Variants in COLEC12 observed in about 807,000 individuals in gnomAD.
COLEC12 encodes collectin subfamily member 12.
In COLEC12, 33 loss-of-function variants were observed where a neutral mutation model predicts 71.1. That is an observed-to-expected ratio of 0.46 (90% CI 0.35 to 0.62). The LOEUF (loss-of-function observed/expected upper bound fraction) is 0.62. COLEC12 is among the 20% of genes least tolerant of loss of function. The pLI, the probability that COLEC12 is intolerant of heterozygous loss-of-function variation, is 0.00. For synonymous variants in COLEC12, 350 were observed against 353.0 expected (o/e 0.99, Z 0.10); for missense variants, 765 against 916.1 (o/e 0.84, Z 2.13).
At chr18:491,276 G>A (rs1917614604) in intron 1 of COLEC12, among the ~76,000 whole-genome samples, 1 of 152,200 alleles carries the variant, frequency 6.6e-6, no homozygotes, top group African/African-American at 2.4e-5. Flanking sequence ...TATTTGGAAT[G>A]TCCCCTTGAT....
At chr18:380,097 A>G (rs559469350) in intron 2 of COLEC12, among the ~76,000 whole-genome samples, 4 of 152,318 alleles carry the variant, frequency 2.6e-5, no homozygotes, top group Non-Finnish European at 4.4e-5. Flanking sequence ...TCTTTTCAAC[A>G]GCCTGAAATT....
intron 2 of COLEC12, among the ~76,000 whole-genome samples, chr18:440,124 A>G (rs1266145633): frequency 6.6e-6 from 1 of 152,080 alleles, no homozygotes; most frequent in Non-Finnish European, 1.5e-5. Context: ...CGAATATTGT[A>G]TGGTATCACC....
chr18:348,886 A>C (rs993977881), intron 3 of COLEC12, among the ~76,000 whole-genome samples: 28 of 152,234 alleles, frequency 1.8e-4, no homozygotes, highest in African/African-American at 6.5e-4. Context: ...CTGTGTCCCC[A>C]CCCAAATCTC....
At chr18:326,660 GC>G (rs1026295516) in intron 8 of COLEC12, among the ~76,000 whole-genome samples, 11 of 151,742 alleles carry the variant, frequency 7.2e-5, no homozygotes, top group African/African-American at 1.2e-4. Context: ...GATAGTTTTG[GC>G]TTTTTTTTAA....
intron 2 of COLEC12, among the ~76,000 whole-genome samples, chr18:417,293 C>T (rs1916006354): frequency 6.6e-6 from 1 of 152,086 alleles, no homozygotes; most frequent in East Asian, 1.9e-4. Flanking sequence ...CATATCTAAA[C>T]ATAGAAAAGG....
chr18:441,568 T>C (rs141856466), intron 2 of COLEC12, among the ~76,000 whole-genome samples: 1 of 152,188 alleles, frequency 6.6e-6, no homozygotes, highest in Admixed American at 6.5e-5. Flanking sequence ...TCCATATGCT[T>C]GTACAACAAT....
At chr18:376,165 A>T (rs1036904829) in intron 2 of COLEC12, among the ~76,000 whole-genome samples, 1 of 152,202 alleles carries the variant, frequency 6.6e-6, no homozygotes, top group Non-Finnish European at 1.5e-5. Flanking sequence ...GAACAACCTC[A>T]AAACCTGAGA....
intron 1 of COLEC12, among the ~76,000 whole-genome samples, chr18:485,425 C>A (rs547056888): frequency 6.6e-6 from 1 of 152,236 alleles, no homozygotes; most frequent in Non-Finnish European, 1.5e-5. Context: ...AAGAAGCAAC[C>A]TTAACATATT....
At chr18:348,899 C>T (rs1281622954) in intron 3 of COLEC12, among the ~76,000 whole-genome samples, 2 of 152,166 alleles carry the variant, frequency 1.3e-5, no homozygotes, top group Non-Finnish European at 2.9e-5. Flanking sequence ...CAAATCTCAC[C>T]TTGAATTATA....
At position 346,949 on chromosome 18, in the gene COLEC12, G is replaced by A. The variant is rs200501360; in HGVS notation, c.673C>T (p.Arg225Trp). Residue 225 changes from arginine to tryptophan, a missense_variant, in exon 5 of 10, where the codon CGG (arginine) becomes TGG (tryptophan). Transcript: ENST00000400256. The surrounding 1 kb of genome is among the most constrained non-coding windows in gnomAD (Gnocchi z 4.0). ...GCCTGGCTTGTGTCATCCACAGACC[G>A]CTGCAGATTCGTGATGAGGTTCCTC... ...QQRNLITNLQRSVDDTSQAIQ... is the reference protein window; with the variant it reads ...QQRNLITNLQWSVDDTSQAIQ... The A allele has an allele frequency of 1.2e-5, 19 of 1,614,066 alleles. No individual in the cohort carries two copies. In the East Asian group the frequency reaches 1.3e-4, roughly 11 times the overall value.
chr18:420,504 A>G (rs1343685823), intron 2 of COLEC12, among the ~76,000 whole-genome samples: 18 of 152,190 alleles, frequency 1.2e-4, no homozygotes, highest in Admixed American at 1.2e-3. Flanking sequence ...AGAAACATAA[A>G]GAGTCTAAAA....
At chr18:330,425 T>G (rs1221110946) in intron 8 of COLEC12, among the ~76,000 whole-genome samples, 7 of 152,028 alleles carry the variant, frequency 4.6e-5, no homozygotes, top group African/African-American at 1.7e-4. Flanking sequence ...GATGCTCCTG[T>G]GCCTGGTGGA....
intron 3 of COLEC12, among the ~76,000 whole-genome samples, chr18:352,921 T>C (rs997733416): frequency 6.6e-6 from 1 of 152,198 alleles, no homozygotes; most frequent in Non-Finnish European, 1.5e-5. Context: ...TGACCAGCAG[T>C]CTGGTTTCTC....
intron 2 of COLEC12, among the ~76,000 whole-genome samples, chr18:368,508 A>C (rs938353193): frequency 6.6e-6 from 1 of 152,120 alleles, no homozygotes; most frequent in Non-Finnish European, 1.5e-5. Flanking sequence ...TGGGAGGCAG[A>C]GGTTGCAGTG....
chr18:475,225 C>T (rs1285261141), intron 2 of COLEC12, among the ~76,000 whole-genome samples: 2 of 152,280 alleles, frequency 1.3e-5, no homozygotes, highest in Non-Finnish European at 2.9e-5. Flanking sequence ...TGTTCCCTTG[C>T]CCTTCACCTT....
At chr18:456,569 C>G (rs1057338853) in intron 2 of COLEC12, among the ~76,000 whole-genome samples, 5 of 152,220 alleles carry the variant, frequency 3.3e-5, no homozygotes, top group African/African-American at 1.2e-4. Flanking sequence ...TCACTAGAGC[C>G]TTCCCACACC....
At chr18:379,659 C>T (rs1445413408) in intron 2 of COLEC12, among the ~76,000 whole-genome samples, 1 of 152,112 alleles carries the variant, frequency 6.6e-6, no homozygotes, top group Admixed American at 6.5e-5. Flanking sequence ...AGTGGCCTCT[C>T]GGTGCTTCTG....
intron 2 of COLEC12, among the ~76,000 whole-genome samples, chr18:471,561 T>C (rs777081412): frequency 2.0e-5 from 3 of 151,800 alleles, no homozygotes; most frequent in Admixed American, 6.6e-5. Flanking sequence ...AGTAAACTTG[T>C]AATTATTTTA....
At chr18:409,079 G>A (rs1313776290) in intron 2 of COLEC12, among the ~76,000 whole-genome samples, 7 of 151,100 alleles carry the variant, frequency 4.6e-5, no homozygotes, top group South Asian at 2.1e-4. Context: ...CAAGTGATCC[G>A]CCTGCCTCAG....
Sources: gnomAD v4.1 joint callset for allele counts (sites outside exome capture counted in the v4.1 genomes callset) on GRCh38, gnomAD v4.1.1 for gene constraint, Gnocchi (gnomAD v3.1) non-coding constraint, MANE v1.5 for transcripts, NCBI Gene and HGNC (gene_info 2026-07-23, HGNC 2026-07-21) for gene names.